DNAJC13: variants seen among roughly 807,000 people sequenced by gnomAD.
The protein encoded by DNAJC13 is DnaJ heat shock protein family (Hsp40) member C13.
A neutral mutation model predicts 290.5 loss-of-function variants in DNAJC13; 75 were observed. That is an observed-to-expected ratio of 0.26 (90% CI 0.21 to 0.31). The LOEUF is 0.31. DNAJC13 is among the 10% of genes least tolerant of loss of function. DNAJC13 has a pLI of 1.00. For synonymous variants in DNAJC13, 862 were observed against 892.0 expected (o/e 0.97, Z 0.60); for missense variants, 2,260 against 2,674.5 (o/e 0.85, Z 3.42).
intron 39 of DNAJC13, 65 bp from the exon 40 acceptor site, chr3:132,502,224 C>T (rs1398684189): frequency 7.5e-7 from 1 of 1,336,572 alleles, no homozygotes; most frequent in Non-Finnish European, 9.8e-7. Flanking sequence ...ACCAGTTCCT[C>T]TTGGGAGCTT....
chr3:132,513,131 T>C lies in DNAJC13; in HGVS notation c.5385+32T>C, dbSNP rs1452254292. Reference sequence around the variant, plus strand: ...GCGTTTTGTACTAAAGCGTGTTGCCTTTCCTACCACTTACCATGTGTAATT... The same window carrying C: ...GCGTTTTGTACTAAAGCGTGTTGCCCTTCCTACCACTTACCATGTGTAATT... On this transcript the variant is annotated intron_variant, in intron 45 of 55. Coordinates refer to ENST00000260818, the MANE Select transcript of DNAJC13 (RefSeq NM_015268.4). The C allele has an allele frequency of 1.6e-5, 25 of 1,540,498 alleles. No homozygotes were observed. The Admixed American group carries it at 4.2e-4, about 26-fold the overall frequency.
chr3:132,511,823 T>C (rs918416280), intron 44 of DNAJC13, among the ~76,000 whole-genome samples: 3 of 152,120 alleles, frequency 2.0e-5, no homozygotes, highest in African/African-American at 4.8e-5. Flanking sequence ...ATAATAAATA[T>C]AGAACATAAA....
At chr3:132,503,536 T>A (rs1180718580) in intron 41 of DNAJC13, among the ~76,000 whole-genome samples, 155 bp downstream of exon 41, 1 of 152,244 alleles carries the variant, frequency 6.6e-6, no homozygotes, top group Non-Finnish European at 1.5e-5. Context: ...AATGGATTGA[T>A]GCTAATGATG....
At chr3:132,446,126 T>G (rs1485312303) in intron 2 of DNAJC13, among the ~76,000 whole-genome samples, 1 of 151,550 alleles carries the variant, frequency 6.6e-6, no homozygotes, top group Non-Finnish European at 1.5e-5. Flanking sequence ...TGGTATGCAG[T>G]GTTTTTTTTT....
intron 17 of DNAJC13, among the ~76,000 whole-genome samples, chr3:132,464,047 G>A (rs1327047660): frequency 6.6e-6 from 1 of 152,086 alleles, no homozygotes; most frequent in Non-Finnish European, 1.5e-5. Context: ...CCTATTATCA[G>A]GCCCTGACAC....
At chr3:132,430,004 T>C (rs1939200041) in intron 1 of DNAJC13, among the ~76,000 whole-genome samples, 1 of 152,206 alleles carries the variant, frequency 6.6e-6, no homozygotes, top group African/African-American at 2.4e-5. Context: ...AGAACTGAAG[T>C]ACTACTACTT....
At chr3:132,499,916 C>A (rs1935358366) in intron 38 of DNAJC13, 108 bp downstream of exon 38, 2 of 954,318 alleles carry the variant, frequency 2.1e-6, no homozygotes, top group Non-Finnish European at 3.2e-6. Flanking sequence ...GGTTGCTGAG[C>A]TCCACCCCAC....
At chr3:132,473,882 A>T (rs1321966435) in intron 21 of DNAJC13, among the ~76,000 whole-genome samples, 2 of 152,216 alleles carry the variant, frequency 1.3e-5, no homozygotes, top group Non-Finnish European at 2.9e-5. Context: ...ATCCTTAAGT[A>T]TATGCCTTGG....
intron 55 of DNAJC13, among the ~76,000 whole-genome samples, chr3:132,531,796 C>CAA (rs556425849): frequency 2.2e-3 from 273 of 123,530 alleles, no homozygotes; most frequent in Non-Finnish European, 3.7e-3. Context: ...GACTCTGCCT[C>CAA]AAAAAAAAAA....
chr3:132,516,315 T>G, intron 46 of DNAJC13, 107 bp from the exon 47 acceptor site: 3 of 974,432 alleles, frequency 3.1e-6, no homozygotes, highest in Non-Finnish European at 4.8e-6. Context: ...GGATTAAATA[T>G]GACATCCTGT....
chr3:132,499,163 T>G lies in DNAJC13; in HGVS notation c.4194T>G (p.Leu1398=). 6.2e-7 allele frequency: 1 copy of G among 1,613,486 alleles called. No individual in the cohort carries two copies. Among genetic ancestry groups the G allele is most frequent in the Non-Finnish European group, 8.5e-7 (1 of 1,179,558 alleles). ...QPYKYAGYPM[L]IRTITMETSD... ...ATAAATATGCAGGATACCCCATGCT[T>G]ATTCGGACTATAACAATGGAAACTT... Residue 1398 remains leucine, a synonymous_variant, in exon 37 of 56, where the codon CTT becomes CTG. Coordinates refer to ENST00000260818, the MANE Select transcript of DNAJC13 (RefSeq NM_015268.4).
chr3:132,451,932 A>G (rs975129961), intron 6 of DNAJC13, among the ~76,000 whole-genome samples: 3 of 152,164 alleles, frequency 2.0e-5, no homozygotes, highest in Non-Finnish European at 2.9e-5. Context: ...TCCCTCATCT[A>G]GGAACATACA....
chr3:132,462,958 A>C (rs533478179), intron 16 of DNAJC13, among the ~76,000 whole-genome samples: 33 of 152,320 alleles, frequency 2.2e-4, no homozygotes, highest in Admixed American at 1.1e-3. Flanking sequence ...TGAGCTCTAG[A>C]GATTGGAGCA....
intron 1 of DNAJC13, among the ~76,000 whole-genome samples, 161 bp downstream of exon 1, chr3:132,417,921 C>T (rs1340352885): frequency 6.6e-6 from 1 of 152,206 alleles, no homozygotes; most frequent in Non-Finnish European, 1.5e-5. Flanking sequence ...GGCTGCTGGT[C>T]TGGTTCCTTT....
intron 28 of DNAJC13, chr3:132,484,275 C>A: frequency 2.5e-6 from 1 of 403,484 alleles, no homozygotes; most frequent in African/African-American, 2.1e-5. Context: ...TTGATAAGCC[C>A]TTTGGGGGAA....
At chr3:132,483,663 A>G (rs1216465497) in intron 28 of DNAJC13, 86 bp downstream of exon 28, 10 of 1,359,614 alleles carry the variant, frequency 7.4e-6, no homozygotes, top group Admixed American at 1.7e-5. Context: ...TAAAACAAAG[A>G]TGTCCTATTT....
intron 51 of DNAJC13, among the ~76,000 whole-genome samples, chr3:132,525,111 CG>C (rs1936212566): frequency 6.6e-6 from 1 of 152,110 alleles, no homozygotes. Context: ...GAGGCCAAGG[CG>C]GGCGGATCAC....
intron 2 of DNAJC13, among the ~76,000 whole-genome samples, chr3:132,437,721 T>C (rs1014034006): frequency 3.3e-5 from 5 of 152,228 alleles, no homozygotes; most frequent in African/African-American, 1.2e-4. Context: ...TATAGCTTTG[T>C]GCTGTTTTGA....
intron 13 of DNAJC13, chr3:132,457,652 A>G (rs1169985870): frequency 4.3e-6 from 1 of 231,368 alleles, no homozygotes; most frequent in Non-Finnish European, 8.4e-6. Context: ...GGGCCATAGG[A>G]TCTTGAAAAG....
Sources: gnomAD v4.1 joint callset for allele counts (sites outside exome capture counted in the v4.1 genomes callset) on GRCh38, gnomAD v4.1.1 for gene constraint, MANE v1.5 for transcripts, NCBI Gene and HGNC (gene_info 2026-07-23, HGNC 2026-07-21) for gene names.